UGCG: variants seen among roughly 807,000 people sequenced by gnomAD.
UGCG encodes the protein UDP-glucose ceramide glucosyltransferase.
UGCG carries 10 observed loss-of-function variants against 49.5 expected under a neutral mutation model. That is an observed-to-expected ratio of 0.20 (90% CI 0.12 to 0.34). UGCG has a LOEUF of 0.34. Among genes scored for constraint, UGCG ranks in the 10% least tolerant of loss-of-function variants. The pLI is 1.00. For synonymous variants in UGCG, 182 were observed against 158.2 expected, an observed-to-expected ratio of 1.15 and a Z score of -1.13; for missense variants, 312 against 483.7, an observed-to-expected ratio of 0.65 and a Z score of 3.33.
At chr9:111,906,384 C>T (rs1473297742) in intron 1 of UGCG, among the ~76,000 whole-genome samples, 2 of 152,078 alleles carry the variant, frequency 1.3e-5, no homozygotes, top group African/African-American at 4.8e-5. Context: ...TTCTCACCTT[C>T]TCTTGACTTT....
chr9:111,913,487 G>A (rs1301400017), intron 1 of UGCG, among the ~76,000 whole-genome samples: 2 of 152,050 alleles, frequency 1.3e-5, no homozygotes, highest in African/African-American at 4.8e-5. Flanking sequence ...AGGCTGGAGT[G>A]CAGCGGCACA....
chr9:111,924,979 AAG>A (rs1246071444), intron 4 of UGCG, 101 bp downstream of exon 4: 2 of 561,642 alleles, frequency 3.6e-6, no homozygotes, highest in Non-Finnish European at 5.3e-6. Flanking sequence ...ATTTGCCTAA[AAG>A]AGTAATTTAT....
Position 111,896,983 on chromosome 9 carries a change from A to ACCCGTAGCCG in UGCG, c.-229_-228insTAGCCGCCCG, listed in dbSNP as rs1589513512. Reference sequence around the variant, plus strand: ...CCGACCAGAGCCGGGAGACCGCAGCACCCGCAGCCGCCCGCGAGCGCGCCG... The same window carrying ACCCGTAGCCG: ...CCGACCAGAGCCGGGAGACCGCAGCACCCGTAGCCGCCCGCAGCCGCCCGCGAGCGCGCCG... On this transcript the variant is annotated 5_prime_UTR_variant, in exon 1 of 9. Coordinates refer to ENST00000374279, the MANE Select transcript of UGCG (RefSeq NM_003358.3). 4.4e-6 allele frequency: 1 copy of ACCCGTAGCCG among 226,120 alleles called. No individual in the cohort carries two copies. The highest frequency in any genetic ancestry group is 9.0e-5 in the East Asian group (1 of 11,142). 14.0% of individuals were successfully genotyped at this position (226,120 alleles called of 1,614,324 possible). A position where few individuals can be genotyped will look rare whatever the true frequency, so the allele number is the denominator to read the frequency against.
At chr9:111,910,685 G>T (rs767322438) in intron 1 of UGCG, among the ~76,000 whole-genome samples, 143 of 152,096 alleles carry the variant, frequency 9.4e-4, no homozygotes, top group Non-Finnish European at 1.6e-3. Context: ...TACACAGGGA[G>T]GTTGCATTCT....
At chr9:111,898,802 T>A (rs546493314) in intron 1 of UGCG, among the ~76,000 whole-genome samples, 46 of 151,788 alleles carry the variant, frequency 3.0e-4, no homozygotes, top group South Asian at 6.2e-4. Flanking sequence ...TGTGTGTGTG[T>A]GAGAGAGAGA....
chr9:111,918,665 G>A (rs1409765366), intron 2 of UGCG, among the ~76,000 whole-genome samples: 1 of 152,164 alleles, frequency 6.6e-6, no homozygotes, highest in African/African-American at 2.4e-5. Context: ...CGGGGGCGGT[G>A]GCTCACGCCT....
chr9:111,907,534 A>G (rs148600342), intron 1 of UGCG, among the ~76,000 whole-genome samples: 1 of 152,108 alleles, frequency 6.6e-6, no homozygotes, highest in African/African-American at 2.4e-5. Context: ...AAATTTTTTA[A>G]TAGATACCAG....
intron 1 of UGCG, among the ~76,000 whole-genome samples, chr9:111,905,919 T>C (rs1042063900): frequency 6.6e-6 from 1 of 152,254 alleles, no homozygotes; most frequent in African/African-American, 2.4e-5. Context: ...TGTTTATTTA[T>C]TTACTCTTCA....
At position 111,934,197 on chromosome 9, in the gene UGCG, T is replaced by A. The variant is rs1454106571; in HGVS notation, c.*1200T>A. 6.6e-6 allele frequency: 1 copy of A among 151,914 alleles called. No homozygotes were observed. Among genetic ancestry groups the A allele is most frequent in the Non-Finnish European group, 1.5e-5 (1 of 67,992 alleles). The allele number at this position is 151,914 out of a possible 1,614,324, so 9.4% of individuals were successfully genotyped here. A position where few individuals can be genotyped will look rare whatever the true frequency, so the allele number is the denominator to read the frequency against. On this transcript the variant is annotated 3_prime_UTR_variant, in exon 9 of 9. Transcript: ENST00000374279. Reference sequence around the variant, plus strand: ...TAAGTCTAGTCTTATTTAAATTGGATTTTTGTATTCAAGTTTATATGACAA... The same window carrying A: ...TAAGTCTAGTCTTATTTAAATTGGAATTTTGTATTCAAGTTTATATGACAA...
intron 1 of UGCG, among the ~76,000 whole-genome samples, chr9:111,898,804 A>T (rs1408470823): frequency 6.6e-6 from 1 of 151,634 alleles, no homozygotes; most frequent in African/African-American, 2.4e-5. Flanking sequence ...TGTGTGTGTG[A>T]GAGAGAGAGA....
intron 2 of UGCG, among the ~76,000 whole-genome samples, chr9:111,921,800 TGA>T (rs1433298789): frequency 7.3e-5 from 9 of 122,496 alleles, no homozygotes; most frequent in Admixed American, 2.7e-4. Context: ...TGCCCCAGGG[TGA>T]TTTTTTTTTT....
At chr9:111,927,417 C>T (rs1373711384) in intron 5 of UGCG, among the ~76,000 whole-genome samples, 1 of 151,544 alleles carries the variant, frequency 6.6e-6, no homozygotes, top group Non-Finnish European at 1.5e-5. Context: ...AGAACCCTAA[C>T]AATTACAGGA....
chr9:111,898,392 T>C (rs1589514469), intron 1 of UGCG, among the ~76,000 whole-genome samples: 1 of 150,494 alleles, frequency 6.6e-6, no homozygotes, highest in East Asian at 1.9e-4. Context: ...TTTAGTTTTT[T>C]GGTTTTTTTT....
intron 6 of UGCG, among the ~76,000 whole-genome samples, 157 bp from the exon 7 acceptor site, chr9:111,931,114 G>T (rs1357917256): frequency 6.6e-6 from 1 of 152,188 alleles, no homozygotes; most frequent in Non-Finnish European, 1.5e-5. Context: ...ACATCCATAC[G>T]TATGGTAGAC....
chr9:111,900,873 T>C (rs1015665050), intron 1 of UGCG, among the ~76,000 whole-genome samples: 8 of 152,190 alleles, frequency 5.3e-5, no homozygotes, highest in Non-Finnish European at 1.5e-5. Context: ...TATTGTTATT[T>C]TTTTGAGACA....
Position 111,916,558 on chromosome 9 carries a change from C to T in UGCG, c.240+1812C>T, listed in dbSNP as rs188337829. Among the ~76,000 whole-genome samples, 7 of 152,240 alleles carry T rather than the reference C, an allele frequency of 4.6e-5. No homozygotes were observed. The East Asian group carries it at 9.7e-4, about 21-fold the overall frequency. On this transcript the variant is annotated intron_variant, in intron 2 of 8. Transcript: ENST00000374279. ...AGTCGTGGCTCACTGCAGCCTCAGCCTCCCAGGCTCAACCAGTCCTCCCAC... is the reference window on the plus strand; with the variant it reads ...AGTCGTGGCTCACTGCAGCCTCAGCTTCCCAGGCTCAACCAGTCCTCCCAC...
chr9:111,900,322 T>C (rs1415957243), intron 1 of UGCG, among the ~76,000 whole-genome samples: 4 of 152,184 alleles, frequency 2.6e-5, no homozygotes, highest in Admixed American at 2.6e-4. Context: ...ATTATTATTA[T>C]TTCCCTGTGT....
intron 2 of UGCG, among the ~76,000 whole-genome samples, chr9:111,920,383 C>T (rs183541410): frequency 7.9e-5 from 12 of 152,170 alleles, no homozygotes; most frequent in South Asian, 2.1e-4. Context: ...TTCCCCGAGA[C>T]GGAGTTTCAC....
At chr9:111,908,286 G>A (rs748624399) in intron 1 of UGCG, among the ~76,000 whole-genome samples, 4 of 152,130 alleles carry the variant, frequency 2.6e-5, no homozygotes, top group Non-Finnish European at 4.4e-5. Flanking sequence ...GTAACAACGC[G>A]GATGATTCTC....
Sources: gnomAD v4.1 joint callset for allele counts (sites outside exome capture counted in the v4.1 genomes callset) on GRCh38, gnomAD v4.1.1 for gene constraint, MANE v1.5 for transcripts, NCBI Gene and HGNC (gene_info 2026-07-23, HGNC 2026-07-21) for gene names.